The following NWD2 variants were observed in gnomAD, a reference collection of about 807,000 sequenced individuals.
NWD2 encodes the protein NACHT and WD repeat domain-containing protein 2.
Under a neutral mutation model 132.7 loss-of-function variants are expected in NWD2, and 37 were observed. That is an observed-to-expected ratio of 0.28 (90% CI 0.21 to 0.37). The LOEUF (loss-of-function observed/expected upper bound fraction) is 0.37. Among genes scored for constraint, NWD2 ranks in the 10% least tolerant of loss-of-function variants. NWD2 has a pLI of 1.00. For synonymous variants in NWD2, 705 were observed against 803.0 expected (o/e 0.88, Z 2.06); for missense variants, 1,592 against 2,122.4 (o/e 0.75, Z 4.91).
chr4:37,438,651 T>C, intron 5 of NWD2, 150 bp from the exon 6 acceptor site: 2 of 574,114 alleles, frequency 3.5e-6, no homozygotes, highest in East Asian at 5.8e-5. Context: ...AAAAGACAAA[T>C]AGGAAATCAA....
chr4:37,266,473 A>G (rs533563237), intron 1 of NWD2, among the ~76,000 whole-genome samples: 7 of 152,204 alleles, frequency 4.6e-5, no homozygotes, highest in African/African-American at 1.7e-4. Context: ...TTAGCCAGAA[A>G]GAAAGAGACC....
chr4:37,326,833 T>C (rs1282451519), intron 2 of NWD2, among the ~76,000 whole-genome samples: 1 of 152,198 alleles, frequency 6.6e-6, no homozygotes, highest in East Asian at 1.9e-4. Context: ...AATGCACCAT[T>C]GTTAGTGGAA....
At chr4:37,434,140 T>C in intron 5 of NWD2, 120 bp downstream of exon 5, 1 of 602,354 alleles carries the variant, frequency 1.7e-6, no homozygotes. Flanking sequence ...TTAATTTTTC[T>C]AAATGTTCCC....
chr4:37,323,844 A>T (rs1320378911), intron 1 of NWD2, among the ~76,000 whole-genome samples: 1 of 126,578 alleles, frequency 7.9e-6, no homozygotes, highest in African/African-American at 3.1e-5. Context: ...TACACCATGG[A>T]ATACTACACA....
intron 6 of NWD2, among the ~76,000 whole-genome samples, chr4:37,440,331 T>C (rs1047781226): frequency 7.2e-5 from 11 of 152,178 alleles, no homozygotes; most frequent in African/African-American, 2.7e-4. Context: ...CGTCCACATG[T>C]AGCACATGGG....
chr4:37,388,384 A>G (rs1195894898), intron 3 of NWD2, among the ~76,000 whole-genome samples: 1 of 151,940 alleles, frequency 6.6e-6, no homozygotes, highest in African/African-American at 2.4e-5. Flanking sequence ...GGGTTTCACC[A>G]TGTTGGCCAG....
At chr4:37,276,687 G>A (rs888678735) in intron 1 of NWD2, among the ~76,000 whole-genome samples, 46 of 152,148 alleles carry the variant, frequency 3.0e-4, no homozygotes, top group African/African-American at 1.1e-3. Context: ...ACATGCACAC[G>A]TATGTTTATC....
chr4:37,298,909 A>C (rs1255406590), intron 1 of NWD2, among the ~76,000 whole-genome samples: 1 of 152,144 alleles, frequency 6.6e-6, no homozygotes, highest in Admixed American at 6.6e-5. Flanking sequence ...AATCTAGGTG[A>C]TATAGATTGT....
At chr4:37,414,731 T>C (rs942852611) in intron 3 of NWD2, among the ~76,000 whole-genome samples, 3 of 152,160 alleles carry the variant, frequency 2.0e-5, no homozygotes, top group Non-Finnish European at 4.4e-5. Flanking sequence ...CAAAAAAGTA[T>C]AAAAGAATTG....
Position 37,406,433 on chromosome 4 carries a change from A to G in NWD2, c.358-24139A>G, listed in dbSNP as rs554812879. ...TGCCATTTGACCCAGGAATCCCATT[A>G]CTAGGTATACACCCAAAGGATTATA... On this transcript the variant is annotated intron_variant, in intron 3 of 6. Transcript: ENST00000309447. Among the ~76,000 whole-genome samples the G allele has an allele frequency of 2.6e-5, 4 of 152,374 alleles. No homozygotes were observed. The East Asian group carries it at 5.8e-4, about 22-fold the overall frequency.
chr4:37,433,391 G>A (rs895201962), intron 4 of NWD2, among the ~76,000 whole-genome samples: 1 of 152,030 alleles, frequency 6.6e-6, no homozygotes, highest in Non-Finnish European at 1.5e-5. Flanking sequence ...AATTATTATT[G>A]AATAAATGAA....
At chr4:37,343,341 C>G (rs1462301041) in intron 2 of NWD2, among the ~76,000 whole-genome samples, 3 of 152,170 alleles carry the variant, frequency 2.0e-5, no homozygotes, top group Non-Finnish European at 4.4e-5. Context: ...TGAATCAGCT[C>G]TGTACACTTG....
At chr4:37,397,114 G>C (rs1161067216) in intron 3 of NWD2, among the ~76,000 whole-genome samples, 1 of 152,126 alleles carries the variant, frequency 6.6e-6, no homozygotes, top group Non-Finnish European at 1.5e-5. Flanking sequence ...AGATAGCCTG[G>C]GAGTTGGTGA....
chr4:37,410,405 A>T (rs561473002), intron 3 of NWD2, among the ~76,000 whole-genome samples: 7 of 151,992 alleles, frequency 4.6e-5, no homozygotes, highest in African/African-American at 1.7e-4. Flanking sequence ...AAAGAGAAAA[A>T]GCCATTACAT....
intron 1 of NWD2, among the ~76,000 whole-genome samples, chr4:37,245,916 C>T (rs190732428): frequency 2.0e-5 from 3 of 152,306 alleles, no homozygotes; most frequent in Non-Finnish European, 4.4e-5. Context: ...TCCATGAAAA[C>T]TTGTTGATTT....
chr4:37,346,468 T>G (rs1719639035), intron 2 of NWD2, among the ~76,000 whole-genome samples: 2 of 152,206 alleles, frequency 1.3e-5, no homozygotes, highest in African/African-American at 4.8e-5. Flanking sequence ...TTTATTCTTC[T>G]TTTGTAAGAT....
chr4:37,406,004 T>A (rs1027340849), intron 3 of NWD2, among the ~76,000 whole-genome samples: 12 of 152,192 alleles, frequency 7.9e-5, no homozygotes, highest in African/African-American at 2.9e-4. Context: ...AAGTGGTTTC[T>A]AAACTGTTCA....
intron 1 of NWD2, among the ~76,000 whole-genome samples, chr4:37,305,491 G>A (rs990954619): frequency 6.6e-6 from 1 of 152,140 alleles, no homozygotes; most frequent in African/African-American, 2.4e-5. Flanking sequence ...TCCAGTTTCA[G>A]AAAATCTCTT....
rs982560199 is a variant in NWD2, at chr4:37,447,510, T to G, written c.*293T>G. On this transcript the variant is annotated 3_prime_UTR_variant, in exon 7 of 7. Coordinates refer to ENST00000309447, the MANE Select transcript of NWD2 (RefSeq NM_001144990.2). ...CTGTGTGGTGAGGCAGCATAATACA[T>G]CCCACTGGTTAAGATGAGAGAGGCT... The G allele has an allele frequency of 7.5e-6, 3 of 400,634 alleles. No homozygotes were observed. Among genetic ancestry groups the G allele is most frequent in the African/African-American group, 4.0e-5 (2 of 49,950 alleles). 24.8% of individuals were successfully genotyped at this position (400,634 alleles called of 1,614,324 possible).
Sources: allele counts gnomAD v4.1 joint callset (sites outside exome capture counted in the v4.1 genomes callset), GRCh38; gene constraint gnomAD v4.1.1; transcripts MANE v1.5; gene names NCBI Gene and HGNC (gene_info 2026-07-23, HGNC 2026-07-21).